LARP1: variants seen among roughly 807,000 people sequenced by gnomAD.
LARP1 encodes La ribonucleoprotein 1, translational regulator.
In LARP1, 36 loss-of-function variants were observed where a neutral mutation model predicts 122.7. The ratio of observed to expected loss-of-function variants is 0.29; its 90% CI spans 0.22 to 0.39. The LOEUF (loss-of-function observed/expected upper bound fraction) is 0.39. Among genes scored for constraint, LARP1 ranks in the 10% least tolerant of loss-of-function variants. LARP1 has a pLI of 1.00. For missense variants in LARP1, 1,040 were observed against 1,403.6 expected (o/e 0.74, Z 4.14); for synonymous variants, 539 against 528.7 (o/e 1.02, Z -0.27).
upstream of LARP1, among the ~76,000 whole-genome samples, chr5:154,751,105 G>A (rs944710837): frequency 3.3e-5 from 5 of 151,986 alleles, no homozygotes; most frequent in East Asian, 9.6e-4. Context: ...AACTTGTTTG[G>A]TATCTTCCTG....
intron 4 of LARP1, 40 bp from the exon 5 acceptor site, chr5:154,793,555 C>T (rs1376167268): frequency 1.2e-6 from 2 of 1,613,608 alleles, no homozygotes; most frequent in African/African-American, 2.7e-5. Flanking sequence ...GGAGTGGCCT[C>T]TCCCTCAAGC....
chr5:154,747,477 C>T (rs1012990579), intron 1 of LARP1, among the ~76,000 whole-genome samples: 3 of 151,586 alleles, frequency 2.0e-5, no homozygotes, highest in African/African-American at 7.3e-5. Context: ...GAGGCTGAGG[C>T]GGGTGGATCA....
intron 1 of LARP1, among the ~76,000 whole-genome samples, chr5:154,730,391 C>CT (rs1205366521): frequency 6.6e-6 from 1 of 151,384 alleles, no homozygotes; most frequent in Non-Finnish European, 1.5e-5. Flanking sequence ...GATTAATTAA[C>CT]TTTTTTTGAC....
chr5:154,756,338 G>T (rs1204717477), intron 1 of LARP1, 145 bp downstream of exon 1: 1 of 935,810 alleles, frequency 1.1e-6, no homozygotes. Context: ...GGTTGATCCT[G>T]GTCGCCGCGC....
upstream of LARP1, among the ~76,000 whole-genome samples, chr5:154,712,685 G>A (rs191617064): frequency 2.6e-5 from 4 of 152,296 alleles, no homozygotes; most frequent in Admixed American, 2.6e-4. Flanking sequence ...GCCACCATTT[G>A]TTTACTCACC....
chr5:154,745,921 G>A (rs1339340158), intron 1 of LARP1, among the ~76,000 whole-genome samples: 1 of 150,908 alleles, frequency 6.6e-6, no homozygotes, highest in Non-Finnish European at 1.5e-5. Context: ...TTAGCCTTCC[G>A]AGTACCTGGG....
At position 154,793,583 on chromosome 5, in the gene LARP1, G is replaced by A. The variant is rs1207671925; in HGVS notation, c.740-12G>A. The A allele has an allele frequency of 6.2e-7, 1 of 1,614,178 alleles. No homozygotes were observed. Among genetic ancestry groups the A allele is most frequent in the East Asian group, 2.2e-5 (1 of 44,884 alleles). ...CCTCAAGCCTTTCTCATGTACCCAT[G>A]CTGTCTCCCAGGAAACAAACACAAG... On this transcript the variant is annotated splice_polypyrimidine_tract_variant and intron_variant, in intron 4 of 18. Coordinates refer to ENST00000518297, the MANE Select transcript of LARP1 (RefSeq NM_033551.3).
chr5:154,740,868 G>A (rs1370311752), intron 1 of LARP1, among the ~76,000 whole-genome samples: 1 of 152,182 alleles, frequency 6.6e-6, no homozygotes, highest in African/African-American at 2.4e-5. Flanking sequence ...CAGAAATGAG[G>A]GGATTTGATG....
intron 1 of LARP1, among the ~76,000 whole-genome samples, chr5:154,766,738 G>A (rs190556070): frequency 6.6e-6 from 1 of 152,302 alleles, no homozygotes; most frequent in East Asian, 1.9e-4. Flanking sequence ...GCTATGCTGA[G>A]AACAGTGGGT....
At chr5:154,793,507 T>A (rs1173794436) in intron 4 of LARP1, 88 bp from the exon 5 acceptor site, 7 of 1,546,698 alleles carry the variant, frequency 4.5e-6, no homozygotes, top group Non-Finnish European at 5.3e-6. Flanking sequence ...TGGGCCCAAG[T>A]CCAGGGCAGA....
At chr5:154,687,815 T>G (rs1289201497) in intron 1 of LARP1, among the ~76,000 whole-genome samples, 1 of 152,096 alleles carries the variant, frequency 6.6e-6, no homozygotes, top group East Asian at 1.9e-4. Context: ...CAAAAAAAAT[T>G]TTTTAATTAG....
At chr5:154,711,252 C>T (rs1201873508), upstream of LARP1, among the ~76,000 whole-genome samples, 3 of 151,890 alleles carry the variant, frequency 2.0e-5, no homozygotes, top group African/African-American at 4.8e-5. Context: ...AGCGATTCTC[C>T]TGCCTCAGCC....
chr5:154,793,662 T>G lies in LARP1; in HGVS notation c.807T>G (p.Ala269=). 6.2e-7 allele frequency: 1 copy of G among 1,614,102 alleles called. No homozygotes were observed. The highest frequency in any genetic ancestry group is 8.5e-7 in the Non-Finnish European group (1 of 1,180,014). The change falls in exon 5 of 19, where the codon GCT becomes GCG. Residue 269 remains alanine, a synonymous_variant. Coordinates refer to ENST00000518297, the MANE Select transcript of LARP1 (RefSeq NM_033551.3). Reference sequence around the variant, plus strand: ...CTGAAGTGCCCAGAGAGAAACTGGCTTCACGCCCCACTCGCCCACCGGAGC... The same window carrying G: ...CTGAAGTGCCCAGAGAGAAACTGGCGTCACGCCCCACTCGCCCACCGGAGC... ...MKPEVPREKL[A]SRPTRPPEPR...
upstream of LARP1, among the ~76,000 whole-genome samples, chr5:154,753,775 T>C (rs932309655): frequency 1.3e-5 from 2 of 152,216 alleles, no homozygotes; most frequent in African/African-American, 4.8e-5. Flanking sequence ...AGACATGGCA[T>C]TACCTGGCTA....
chr5:154,807,504 A>G (rs1369302945), intron 15 of LARP1, among the ~76,000 whole-genome samples: 1 of 152,038 alleles, frequency 6.6e-6, no homozygotes, highest in African/African-American at 2.4e-5. Flanking sequence ...GGTTTTTCAC[A>G]TCCTTCCAAC....
In LARP1 at chr5:154,802,354, G is replaced by A; in HGVS notation, c.2064G>A (p.Gln688=). 6.2e-7 allele frequency: 1 copy of A among 1,612,840 alleles called. No individual in the cohort carries two copies. Among genetic ancestry groups the A allele is most frequent in the Middle Eastern group, 1.7e-4 (1 of 6,054 alleles). ...VINDGLFYYE[Q]DLWAEKFEPE... is the part of the protein sequence containing the mutation. ...ATGATGGCCTCTTCTACTATGAGCA[G>A]GACCTGTGGGCTGAAAAGTTTGAAC... The change falls in exon 11 of 19, where the codon CAG becomes CAA. Residue 688 remains glutamine (Q), a synonymous_variant. Coordinates refer to ENST00000518297, the MANE Select transcript of LARP1 (RefSeq NM_033551.3). The surrounding 1 kb of genome is among the most constrained non-coding windows in gnomAD (Gnocchi z 5.1).
At chr5:154,752,038 A>G (rs1753529047), upstream of LARP1, among the ~76,000 whole-genome samples, 1 of 152,058 alleles carries the variant, frequency 6.6e-6, no homozygotes, top group Admixed American at 6.6e-5. Context: ...TCTAACTCCT[A>G]GGTTCAAGTG....
At chr5:154,801,972 G>A in intron 10 of LARP1, 35 bp from the exon 11 acceptor site, 1 of 1,568,702 alleles carries the variant, frequency 6.4e-7, no homozygotes, top group East Asian at 2.2e-5. Flanking sequence ...AGGATCTCTG[G>A]TGATTCCTTT....
At chr5:154,684,593 C>T (rs777534881) in intron 1 of LARP1, among the ~76,000 whole-genome samples, 6 of 152,122 alleles carry the variant, frequency 3.9e-5, no homozygotes, top group African/African-American at 7.2e-5. Context: ...CTTGCGCTTC[C>T]GGTCTATTCA....
Sources: gnomAD v4.1 joint callset for allele counts (sites outside exome capture counted in the v4.1 genomes callset) on GRCh38, gnomAD v4.1.1 for gene constraint, Gnocchi (gnomAD v3.1) non-coding constraint, MANE v1.5 for transcripts, NCBI Gene and HGNC (gene_info 2026-07-23, HGNC 2026-07-21) for gene names.